Variants in DSCAML1 observed in about 807,000 individuals in gnomAD.
DSCAML1 encodes DS cell adhesion molecule like 1, also known as cell adhesion molecule DSCAML1.
In DSCAML1, 38 loss-of-function variants were observed where a neutral mutation model predicts 200.5. The ratio of observed to expected loss-of-function variants is 0.19; its 90% CI spans 0.15 to 0.25. The LOEUF is 0.25. Among genes scored for constraint, DSCAML1 ranks in the 10% least tolerant of loss-of-function variants. DSCAML1 has a pLI of 1.00. For missense variants in DSCAML1, 2,223 were observed against 2,858.8 expected, an observed-to-expected ratio of 0.78 and a Z score of 5.07; for synonymous variants, 1,215 against 1,165.0, an observed-to-expected ratio of 1.04 and a Z score of -0.87.
intron 3 of DSCAML1, among the ~76,000 whole-genome samples, chr11:117,683,210 T>A (rs1029411084): frequency 4.6e-5 from 7 of 152,154 alleles, no homozygotes; most frequent in Non-Finnish European, 8.8e-5. Flanking sequence ...TAAAATGTGA[T>A]GGGATGAGGG....
chr11:117,450,427 A>G, intron 20 of DSCAML1, 122 bp downstream of exon 20: 2 of 1,388,570 alleles, frequency 1.4e-6, no homozygotes, highest in Non-Finnish European at 1.9e-6. Context: ...ATTCTTATCT[A>G]TGAATCCAGG....
chr11:117,686,923 A>C (rs1452002510), intron 3 of DSCAML1, among the ~76,000 whole-genome samples: 1 of 152,252 alleles, frequency 6.6e-6, no homozygotes, highest in African/African-American at 2.4e-5. Flanking sequence ...TGACTCAGGC[A>C]CTAAGTGGGA....
chr11:117,633,242 T>C (rs2052211401), intron 3 of DSCAML1, among the ~76,000 whole-genome samples: 1 of 152,200 alleles, frequency 6.6e-6, no homozygotes, highest in Non-Finnish European at 1.5e-5. Flanking sequence ...CCTGTCTCTC[T>C]GTGGGAACCT....
intron 11 of DSCAML1, among the ~76,000 whole-genome samples, chr11:117,496,004 C>T (rs2049282947): frequency 6.6e-6 from 1 of 152,192 alleles, no homozygotes; most frequent in Non-Finnish European, 1.5e-5. Context: ...GCTTCCTGCC[C>T]CCAGGGTCTT....
intron 3 of DSCAML1, among the ~76,000 whole-genome samples, chr11:117,660,750 A>C (rs1892918): frequency 0.25 from 37,975 of 152,126 alleles, 5,238 homozygotes; most frequent in East Asian, 0.57. Context: ...CCAATGCAAA[A>C]TTCTACTAGG....
At chr11:117,490,208 T>A (rs1259521118) in intron 11 of DSCAML1, among the ~76,000 whole-genome samples, 1 of 152,188 alleles carries the variant, frequency 6.6e-6, no homozygotes, top group Non-Finnish European at 1.5e-5. Context: ...GGAAATCAAT[T>A]TCAGAAACAA....
intron 3 of DSCAML1, among the ~76,000 whole-genome samples, chr11:117,617,137 G>A (rs1274644772): frequency 1.3e-5 from 2 of 152,174 alleles, no homozygotes; most frequent in Non-Finnish European, 2.9e-5. Flanking sequence ...GAAGATGGGG[G>A]CCCAGAGAGG....
At chr11:117,457,991 G>A (rs1055242933) in intron 19 of DSCAML1, among the ~76,000 whole-genome samples, 8 of 152,226 alleles carry the variant, frequency 5.3e-5, no homozygotes, top group African/African-American at 1.9e-4. Context: ...ACTAAATGAT[G>A]GAGCTGGTAC....
At chr11:117,746,646 C>T (rs1014899011) in intron 3 of DSCAML1, among the ~76,000 whole-genome samples, 14 of 152,328 alleles carry the variant, frequency 9.2e-5, no homozygotes, top group African/African-American at 2.9e-4. Context: ...GCTGACACTC[C>T]CAGCTTCCAG....
At chr11:117,654,267 A>C (rs2052690737) in intron 3 of DSCAML1, among the ~76,000 whole-genome samples, 1 of 152,158 alleles carries the variant, frequency 6.6e-6, no homozygotes, top group Non-Finnish European at 1.5e-5. Flanking sequence ...TCTAACATTG[A>C]CTGTAGTGAT....
chr11:117,785,542 G>A (rs1214587697), intron 1 of DSCAML1, among the ~76,000 whole-genome samples: 1 of 152,094 alleles, frequency 6.6e-6, no homozygotes, highest in Non-Finnish European at 1.5e-5. Context: ...CTCAGCGGTG[G>A]AAGACAGTTG....
intron 3 of DSCAML1, among the ~76,000 whole-genome samples, chr11:117,764,444 T>C (rs926759049): frequency 2.0e-5 from 3 of 152,180 alleles, no homozygotes; most frequent in Non-Finnish European, 4.4e-5. Context: ...CCAAATCCCT[T>C]GAGATCCTCA....
chr11:117,760,483 T>C (rs1466905212), intron 3 of DSCAML1, among the ~76,000 whole-genome samples: 2 of 152,226 alleles, frequency 1.3e-5, no homozygotes, highest in Non-Finnish European at 1.5e-5. Context: ...CCATAATGTA[T>C]GGCATCCTTC....
intron 3 of DSCAML1, among the ~76,000 whole-genome samples, chr11:117,737,756 C>A (rs555793680): frequency 6.6e-6 from 1 of 152,098 alleles, no homozygotes. Context: ...GATACATTCG[C>A]GGAGGGGTTT....
intron 1 of DSCAML1, among the ~76,000 whole-genome samples, chr11:117,792,737 C>T (rs981147550): frequency 8.5e-5 from 13 of 152,060 alleles, no homozygotes; most frequent in African/African-American, 2.2e-4. Flanking sequence ...GAATCTAATG[C>T]GGGCCCTGGA....
At chr11:117,439,671 GA>G in intron 22 of DSCAML1, 147 bp downstream of exon 22, 1 of 854,098 alleles carries the variant, frequency 1.2e-6, no homozygotes, top group Non-Finnish European at 1.9e-6. Flanking sequence ...CTGCTTGAGA[GA>G]GCAGTAGCAG....
chr11:117,521,084 T>C lies in DSCAML1; in HGVS notation c.1213+46A>G, dbSNP rs370590051. 2.5e-6 allele frequency: 4 copies of C among 1,593,220 alleles called. No homozygotes were observed. The African/African-American group carries it at 5.4e-5, about 21-fold the overall frequency. Reference sequence around the variant, plus strand: ...CCTCAGCAGAAGGGAGGGAATGAGCTCGGCAGCCCTGAACCCGCCCCCTGT... The same window carrying C: ...CCTCAGCAGAAGGGAGGGAATGAGCCCGGCAGCCCTGAACCCGCCCCCTGT... On this transcript the variant is annotated intron_variant, in intron 6 of 32. Coordinates refer to ENST00000651296, the MANE Select transcript of DSCAML1 (RefSeq NM_020693.4).
Position 117,572,419 on chromosome 11 carries a change from C to A in DSCAML1, c.512-39897G>T, listed in dbSNP as rs1216847657. Reference sequence around the variant, plus strand: ...GAAGTCAGGGTTCCTGATGTTCAACCTGGCATTTCACCACCATGATAATGA... The same window carrying A: ...GAAGTCAGGGTTCCTGATGTTCAACATGGCATTTCACCACCATGATAATGA... On this transcript the variant is annotated intron_variant, in intron 3 of 32. Coordinates refer to ENST00000651296, the MANE Select transcript of DSCAML1 (RefSeq NM_020693.4). 2.0e-5 allele frequency among the ~76,000 whole-genome samples: 3 copies of A among 152,186 alleles called. 1 individual carries two copies. Among genetic ancestry groups the A allele is most frequent in the Admixed American group, 2.0e-4 (3 of 15,278 alleles).
chr11:117,491,573 G>A (rs559781534), intron 11 of DSCAML1, among the ~76,000 whole-genome samples: 1 of 152,288 alleles, frequency 6.6e-6, no homozygotes, highest in East Asian at 1.9e-4. Flanking sequence ...TTTGACTTGA[G>A]TTTGAGACCA....
Sources: allele counts gnomAD v4.1 joint callset (sites outside exome capture counted in the v4.1 genomes callset), GRCh38; gene constraint gnomAD v4.1.1; transcripts MANE v1.5; gene names NCBI Gene and HGNC (gene_info 2026-07-23, HGNC 2026-07-21).